PANK4: variants seen among roughly 807,000 people sequenced by gnomAD.
The protein encoded by PANK4 is 4'-phosphopantetheine phosphatase.
Under a neutral mutation model 87.9 loss-of-function variants are expected in PANK4, and 40 were observed. That is an observed-to-expected ratio of 0.46 (90% CI 0.35 to 0.59). The LOEUF is 0.59. Among genes scored for constraint, PANK4 ranks in the 20% least tolerant of loss-of-function variants. The pLI is 0.00. For missense variants in PANK4, 926 were observed against 1,072.3 expected (o/e 0.86, Z 1.90); for synonymous variants, 524 against 467.4 (o/e 1.12, Z -1.56).
Position 2,526,540 on chromosome 1 carries a change from C to T in PANK4, c.48G>A (p.Leu16=). 1.2e-6 allele frequency: 2 copies of T among 1,601,376 alleles called. No homozygotes were observed. Among genetic ancestry groups the T allele is most frequent in the African/African-American group, 1.4e-5 (1 of 73,944 alleles). ...ASGSGSSGDS[L]DKSITLPPDE... is the part of the protein sequence containing the mutation. Reference sequence around the variant, plus strand: ...CGGGGGGCAGCGTGATGCTCTTGTCCAGACTGTCCCCGCTGCTCCCGCTGC... The same window carrying T: ...CGGGGGGCAGCGTGATGCTCTTGTCTAGACTGTCCCCGCTGCTCCCGCTGC... Residue 16 remains leucine, a synonymous_variant, in exon 1 of 19, where the codon CTG becomes CTA. Coordinates refer to ENST00000378466, the MANE Select transcript of PANK4 (RefSeq NM_018216.4).
chr1:2,520,466 G>T lies in PANK4; in HGVS notation c.607-52C>A, dbSNP rs759946329. 6.7e-7 allele frequency: 1 copy of T among 1,493,586 alleles called. No individual in the cohort carries two copies. 92.5% of individuals were successfully genotyped at this position (1,493,586 alleles called of 1,614,324 possible). On this transcript the variant is annotated intron_variant, in intron 4 of 18. Transcript: ENST00000378466. The surrounding 1 kb of genome is among the most constrained non-coding windows in gnomAD (Gnocchi z 6.2). Reference sequence around the variant, plus strand: ...CCTCAGTGGGCCCTCAGCCACACAGGCTCCCCCGCCCCCCGCCCCATGTGC... The same window carrying T: ...CCTCAGTGGGCCCTCAGCCACACAGTCTCCCCCGCCCCCCGCCCCATGTGC...
Position 2,514,339 on chromosome 1 carries a change from G to A in PANK4, c.1487+15C>T, listed in dbSNP as rs201865669. 6 of 1,579,102 alleles carry A rather than the reference G, an allele frequency of 3.8e-6. No homozygotes were observed. Among genetic ancestry groups the A allele is most frequent in the Middle Eastern group, 1.7e-4 (1 of 5,960 alleles). The stretch of plus-strand genomic sequence containing the variant: ...ATGGAAGAGGTGGCCACACACCGGG[G>A]TGCTGGGCACTTACAAGGGCTGCTG... On this transcript the variant is annotated intron_variant, in intron 11 of 18. Transcript: ENST00000378466.
In PANK4 at chr1:2,510,532, TGG is replaced by T. The variant is rs756892698; in HGVS notation, c.1938+144_1938+145del. On this transcript the variant is annotated intron_variant, in intron 16 of 18. Transcript: ENST00000378466. The surrounding 1 kb of genome is among the most constrained non-coding windows in gnomAD (Gnocchi z 4.9). ...CCTCCACCCCAGCAGATGACGGCTC[TGG>T]GCCGCCTCCCCCGTGCTGCTGCCTG... The T allele has an allele frequency of 8.2e-5, 54 of 657,906 alleles. No individual in the cohort carries two copies. The highest frequency in any genetic ancestry group is 1.2e-4 in the Non-Finnish European group (45 of 368,902). 40.8% of individuals were successfully genotyped at this position (657,906 alleles called of 1,614,324 possible).
At chr1:2,511,430 G>T in intron 14 of PANK4, 43 bp from the exon 15 acceptor site, 1 of 1,444,920 alleles carries the variant, frequency 6.9e-7, no homozygotes, top group Non-Finnish European at 9.7e-7. Flanking sequence ...GGTGCTCCAG[G>T]TCAGGGGTCA....
At chr1:2,514,282 G>T in intron 11 of PANK4, 72 bp downstream of exon 11, 1 of 1,296,038 alleles carries the variant, frequency 7.7e-7, no homozygotes. Flanking sequence ...CCAACATCAC[G>T]GCACTTTCTC....
chr1:2,514,565 C>T lies in PANK4; in HGVS notation c.1375-99G>A, dbSNP rs1198272073. On this transcript the variant is annotated intron_variant, in intron 10 of 18. Coordinates refer to ENST00000378466, the MANE Select transcript of PANK4 (RefSeq NM_018216.4). Reference sequence around the variant, plus strand: ...GGCTCGGGGAAGGGTGGGGGTCGGCCGTGGGGGACTGTCTGGGGCAGGGTG... The same window carrying T: ...GGCTCGGGGAAGGGTGGGGGTCGGCTGTGGGGGACTGTCTGGGGCAGGGTG... 8 of 91,580 alleles carry T rather than the reference C, an allele frequency of 8.7e-5. 1 individual carries two copies. In the East Asian group the frequency reaches 1.1e-3, roughly 12 times the overall value. 5.7% of individuals were successfully genotyped at this position (91,580 alleles called of 1,614,324 possible).
In PANK4 at chr1:2,520,955, G is replaced by A. The variant is rs1280938976; in HGVS notation, c.423-49C>T. 2 of 1,530,436 alleles carry A rather than the reference G, an allele frequency of 1.3e-6. No homozygotes were observed. The highest frequency in any genetic ancestry group is 3.8e-5 in the Admixed American group (2 of 51,980). 94.8% of individuals were successfully genotyped at this position (1,530,436 alleles called of 1,614,324 possible). On this transcript the variant is annotated intron_variant, in intron 3 of 18. Transcript: ENST00000378466. This position sits in a 1 kb window ranked among gnomAD's most constrained non-coding sequence, Gnocchi z 6.2. ...TAAAGAGTCTGGGCCACAGACAGGT[G>A]CAACCATGCAAGCCTGCCTGGTCCG...
chr1:2,520,994 G>A lies in PANK4; in HGVS notation c.423-88C>T. 6.5e-7 allele frequency: 1 copy of A among 1,527,558 alleles called. No individual in the cohort carries two copies. Among genetic ancestry groups the A allele is most frequent in the Non-Finnish European group, 9.0e-7 (1 of 1,115,328 alleles). 94.6% of individuals were successfully genotyped at this position (1,527,558 alleles called of 1,614,324 possible). A position where few individuals can be genotyped will look rare whatever the true frequency, so the allele number is the denominator to read the frequency against. The stretch of plus-strand genomic sequence containing the variant: ...CTGCCTGGTCCGAAGGGGCAGCCAT[G>A]CCCCATGCGCAATCTGACACACGAG... On this transcript the variant is annotated intron_variant, in intron 3 of 18. Coordinates refer to ENST00000378466, the MANE Select transcript of PANK4 (RefSeq NM_018216.4). The surrounding 1 kb of genome is among the most constrained non-coding windows in gnomAD (Gnocchi z 6.2).
Position 2,511,686 on chromosome 1 carries a change from G to C in PANK4, c.1728-3C>G. 1 of 1,590,894 alleles carries C rather than the reference G, an allele frequency of 6.3e-7. No individual in the cohort carries two copies. The highest frequency in any genetic ancestry group is 1.1e-5 in the South Asian group (1 of 90,584). Reference sequence around the variant, plus strand: ...AGTAGGGGTCGGATTCAAGGACACTGCATGGAGGAGGAGAAAAGAAAATTA... The same window carrying C: ...AGTAGGGGTCGGATTCAAGGACACTCCATGGAGGAGGAGAAAAGAAAATTA... On this transcript the variant is annotated splice_region_variant and splice_polypyrimidine_tract_variant and intron_variant, in intron 13 of 18. Coordinates refer to ENST00000378466, the MANE Select transcript of PANK4 (RefSeq NM_018216.4).
At position 2,508,890 on chromosome 1, in the gene PANK4, C is replaced by T. The variant is rs751781680; in HGVS notation, c.2279G>A (p.Arg760Gln). The T allele has an allele frequency of 4.9e-5, 79 of 1,607,698 alleles. No homozygotes were observed. Among genetic ancestry groups the T allele is most frequent in the Admixed American group, 1.5e-4 (9 of 59,588 alleles). The change falls in exon 19 of 19, where the codon CGG (arginine) becomes CAG (glutamine). Residue 760 changes from arginine to glutamine, a missense_variant. By Grantham distance (43) the Arg-to-Gln change is conservative. Coordinates refer to ENST00000378466, the MANE Select transcript of PANK4 (RefSeq NM_018216.4). The surrounding 1 kb of genome is among the most constrained non-coding windows in gnomAD (Gnocchi z 5.1). ...GTACTTGAAGATGACGCTGAAGAGCCGGCCGCCCAGCCGCTCGGCCAGCCA... is the reference window on the plus strand; with the variant it reads ...GTACTTGAAGATGACGCTGAAGAGCTGGCCGCCCAGCCGCTCGGCCAGCCA... ...NAWLAERLGGRLFSVIFKYEV... is the reference protein window; with the variant it reads ...NAWLAERLGGQLFSVIFKYEV...
chr1:2,513,287 C>A (rs1287549180), intron 12 of PANK4, among the ~76,000 whole-genome samples: 1 of 152,252 alleles, frequency 6.6e-6, no homozygotes, highest in Non-Finnish European at 1.5e-5. Context: ...AAGGGCAGGA[C>A]AAGAGTGGAG....
At chr1:2,514,281 C>T (rs1055662239) in intron 11 of PANK4, 73 bp downstream of exon 11, 22 of 1,291,792 alleles carry the variant, frequency 1.7e-5, no homozygotes, top group Admixed American at 6.8e-5. Flanking sequence ...GCCAACATCA[C>T]GGCACTTTCT....
intron 2 of PANK4, 107 bp from the exon 3 acceptor site, chr1:2,521,422 A>T: frequency 1.0e-6 from 1 of 954,108 alleles, no homozygotes; most frequent in South Asian, 1.3e-5. Context: ...GCCTTCAACC[A>T]GGCGGCGCTC....
intron 1 of PANK4, among the ~76,000 whole-genome samples, chr1:2,525,119 G>A (rs562744322): frequency 2.0e-5 from 3 of 152,200 alleles, no homozygotes; most frequent in African/African-American, 4.8e-5. Context: ...TTCCCTAGAG[G>A]ACACCCTTCC....
rs1643660338 is a variant in PANK4 at position 2,511,464 on chromosome 1, G to A, written c.1784-77C>T. ...CAGGGAGACGCGTCTTCAGGTGTTCGTCTCTCCAGGAAGCAAGTTCTCCCC... is the reference window on the plus strand; with the variant it reads ...CAGGGAGACGCGTCTTCAGGTGTTCATCTCTCCAGGAAGCAAGTTCTCCCC... On this transcript the variant is annotated intron_variant, in intron 14 of 18. Coordinates refer to ENST00000378466, the MANE Select transcript of PANK4 (RefSeq NM_018216.4). 1.6e-5 allele frequency: 20 copies of A among 1,230,168 alleles called. No homozygotes were observed. In the South Asian group the frequency reaches 1.7e-4, roughly 10 times the overall value. The allele number at this position is 1,230,168 out of a possible 1,614,324, so 76.2% of individuals were successfully genotyped here. A position where few individuals can be genotyped will look rare whatever the true frequency, so the allele number is the denominator to read the frequency against.
chr1:2,522,324 CTT>C (rs1304487444), intron 1 of PANK4, among the ~76,000 whole-genome samples: 18 of 152,326 alleles, frequency 1.2e-4, no homozygotes, highest in South Asian at 4.1e-4. Flanking sequence ...GCTGGCTACT[CTT>C]GAGAGGCTCC....
At position 2,515,157 on chromosome 1, in the gene PANK4, G is replaced by A. The variant is rs117821695; in HGVS notation, c.1374+405C>T. The stretch of plus-strand genomic sequence containing the variant: ...AGCCCAGCCTTGGAGAAGGTGGGAC[G>A]CAGGAGTCCCAAGGTGGCCTCGCCG... On this transcript the variant is annotated intron_variant, in intron 10 of 18. Coordinates refer to ENST00000378466, the MANE Select transcript of PANK4 (RefSeq NM_018216.4). This position sits in a 1 kb window ranked among gnomAD's most constrained non-coding sequence, Gnocchi z 5.0. The A allele has an allele frequency of 5.4e-3, 2,053 of 382,944 alleles. 7 individuals carry two copies. The highest frequency in any genetic ancestry group is 7.7e-3 in the Non-Finnish European group (1,474 of 192,654). 23.7% of individuals were successfully genotyped at this position (382,944 alleles called of 1,614,324 possible).
chr1:2,514,484 A>G lies in PANK4; in HGVS notation c.1375-18T>C, dbSNP rs1557439840. ...TTCACTACCTGCCAGCGACAGAAGG[A>G]GGGGGTTAGTCAAGCGCTGGCCCTG... On this transcript the variant is annotated intron_variant, in intron 10 of 18. Coordinates refer to ENST00000378466, the MANE Select transcript of PANK4 (RefSeq NM_018216.4). The G allele has an allele frequency of 2.8e-6, 4 of 1,407,034 alleles. No individual in the cohort carries two copies. The highest frequency in any genetic ancestry group is 1.9e-5 in the Admixed American group (1 of 51,334). The allele number at this position is 1,407,034 out of a possible 1,614,324, so 87.2% of individuals were successfully genotyped here.
At position 2,510,729 on chromosome 1, in the gene PANK4, G is replaced by A. The variant is rs1643646660; in HGVS notation, c.1887C>T (p.Ile629=). ...TGACAAAGGGGAAGACTCCCAAAAT[G>A]ATGTCTATTCCACTGTTATCTGCGA... ...LIFADNSGID[I]ILGVFPFVRE... The change falls in exon 16 of 19, where the codon ATC becomes ATT. Residue 629 remains isoleucine (I), a synonymous_variant. Transcript: ENST00000378466. This position sits in a 1 kb window ranked among gnomAD's most constrained non-coding sequence, Gnocchi z 4.9. The A allele has an allele frequency of 6.2e-7, 1 of 1,612,620 alleles. No homozygotes were observed. The highest frequency in any genetic ancestry group is 2.2e-5 in the East Asian group (1 of 44,856).
Sources: gnomAD v4.1 joint callset for allele counts (sites outside exome capture counted in the v4.1 genomes callset) on GRCh38, gnomAD v4.1.1 for gene constraint, Gnocchi (gnomAD v3.1) non-coding constraint, MANE v1.5 for transcripts, NCBI Gene and HGNC (gene_info 2026-07-23, HGNC 2026-07-21) for gene names.